Variants in IMPA1 observed in about 807,000 individuals in gnomAD.
IMPA1 encodes the protein D-galactose 1-phosphate phosphatase.
IMPA1 carries 21 observed loss-of-function variants against 34.9 expected under a neutral mutation model. That is an observed-to-expected ratio of 0.60 (90% CI 0.43 to 0.87). The LOEUF (loss-of-function observed/expected upper bound fraction) is 0.87. IMPA1 is among the 40% of genes least tolerant of loss of function. The pLI is 0.00. For missense variants in IMPA1, 299 were observed against 336.4 expected (o/e 0.89, Z 0.87); for synonymous variants, 95 against 104.4 (o/e 0.91, Z 0.55).
At chr8:81,682,236 A>G (rs562647416) in intron 1 of IMPA1, among the ~76,000 whole-genome samples, 38 of 152,310 alleles carry the variant, frequency 2.5e-4, no homozygotes, top group African/African-American at 8.9e-4. Flanking sequence ...TGTGTTCTAA[A>G]CTGTCCAGTT....
intron 7 of IMPA1, among the ~76,000 whole-genome samples, chr8:81,667,346 G>A (rs1356957836): frequency 6.6e-6 from 1 of 152,166 alleles, no homozygotes; most frequent in Non-Finnish European, 1.5e-5. Flanking sequence ...AAAGGTGTCT[G>A]CTATGGTTGA....
chr8:81,667,973 G>A (rs568953066), intron 7 of IMPA1, among the ~76,000 whole-genome samples: 8 of 151,948 alleles, frequency 5.3e-5, no homozygotes, highest in South Asian at 2.1e-4. Flanking sequence ...ACAAGCGCCC[G>A]CCACCACGCC....
At chr8:81,684,601 AT>A (rs1563592593) in intron 1 of IMPA1, among the ~76,000 whole-genome samples, 390 of 12,130 alleles carry the variant, frequency 0.032, no homozygotes, top group Middle Eastern at 0.071. Flanking sequence ...CTTTAGATAT[AT>A]ATATCTAGTA....
intron 7 of IMPA1, among the ~76,000 whole-genome samples, chr8:81,664,166 C>T (rs7013201): frequency 1.3e-5 from 2 of 152,032 alleles, no homozygotes. Flanking sequence ...CTTTTAATTT[C>T]TTCATTTATT....
intron 4 of IMPA1, 35 bp downstream of exon 4, chr8:81,679,091 C>A: frequency 7.4e-7 from 1 of 1,360,470 alleles, no homozygotes; most frequent in South Asian, 1.2e-5. Context: ...AGTTAATATG[C>A]AAAGAGTAAT....
intron 1 of IMPA1, among the ~76,000 whole-genome samples, chr8:81,683,513 T>C (rs574673020): frequency 1.2e-4 from 19 of 152,266 alleles, no homozygotes; most frequent in African/African-American, 4.1e-4. Context: ...CCTCTGAATC[T>C]GGATGTCCAG....
At chr8:81,663,069 A>C (rs1328973390) in intron 7 of IMPA1, among the ~76,000 whole-genome samples, 1 of 152,252 alleles carries the variant, frequency 6.6e-6, no homozygotes, top group Non-Finnish European at 1.5e-5. Context: ...TCATAAAAGC[A>C]ATCAGTAAGT....
rs1183325290 is a variant in IMPA1 at position 81,685,769 on chromosome 8, T to C, written c.-25+483A>G. ...GGGTCCGTAGTTTACTCACTTTCAT[T>C]TTCCCAAAGCCATAAACACCTGAAC... On this transcript the variant is annotated intron_variant, in intron 1 of 8. Transcript: ENST00000256108. 7 of 1,517,664 alleles carry C rather than the reference T, an allele frequency of 4.6e-6. No homozygotes were observed. The African/African-American group carries it at 5.7e-5, about 12-fold the overall frequency. The allele number at this position is 1,517,664 out of a possible 1,614,324, so 94.0% of individuals were successfully genotyped here.
At chr8:81,670,896 C>T in intron 7 of IMPA1, 43 bp downstream of exon 7, 1 of 984,276 alleles carries the variant, frequency 1.0e-6, no homozygotes, top group Non-Finnish European at 1.5e-6. Context: ...TGCACACACA[C>T]ACGTATACAA....
chr8:81,673,832 T>C lies in IMPA1; in HGVS notation c.457+9A>G. The C allele has an allele frequency of 6.6e-7, 1 of 1,504,032 alleles. No individual in the cohort carries two copies. Among genetic ancestry groups the C allele is most frequent in the Non-Finnish European group, 9.3e-7 (1 of 1,080,656 alleles). The allele number at this position is 1,504,032 out of a possible 1,614,324, so 93.2% of individuals were successfully genotyped here. On this transcript the variant is annotated intron_variant, in intron 6 of 8. Transcript: ENST00000256108. ...TATGAATAGCATCAAAAATTGGAAT[T>C]AATCCTACCTTCTTGTTGTGAAACT... is the stretch of plus-strand genomic sequence containing the variant.
chr8:81,660,101 A>G (rs1806622579), intron 8 of IMPA1, among the ~76,000 whole-genome samples: 1 of 152,186 alleles, frequency 6.6e-6, no homozygotes, highest in Non-Finnish European at 1.5e-5. Context: ...ATACACTAGC[A>G]CTAATGACGG....
At chr8:81,659,559 A>T in intron 8 of IMPA1, 93 bp from the exon 9 acceptor site, 1 of 691,690 alleles carries the variant, frequency 1.4e-6, no homozygotes, top group Non-Finnish European at 2.5e-6. Context: ...GTCACATAAC[A>T]TTTTAATACT....
At chr8:81,672,291 A>G (rs1393831727) in intron 6 of IMPA1, among the ~76,000 whole-genome samples, 1 of 152,218 alleles carries the variant, frequency 6.6e-6, no homozygotes, top group African/African-American at 2.4e-5. Context: ...AAGCTGTGAG[A>G]AAGAAAAAGA....
chr8:81,682,926 T>C (rs1458597791), intron 1 of IMPA1, among the ~76,000 whole-genome samples: 1 of 152,140 alleles, frequency 6.6e-6, no homozygotes, highest in Non-Finnish European at 1.5e-5. Context: ...TCACACTTTC[T>C]AGGAGGGGAC....
intron 7 of IMPA1, among the ~76,000 whole-genome samples, chr8:81,670,304 T>C (rs1806949544): frequency 6.6e-6 from 1 of 152,028 alleles, no homozygotes; most frequent in Non-Finnish European, 1.5e-5. Context: ...ATGAAATTCA[T>C]AGCCTAAATA....
intron 6 of IMPA1, among the ~76,000 whole-genome samples, chr8:81,671,618 C>A (rs1260953210): frequency 6.6e-6 from 1 of 152,148 alleles, no homozygotes; most frequent in South Asian, 2.1e-4. Context: ...TAATTTAGGG[C>A]TGGGCATGGT....
At chr8:81,683,919 C>T (rs907085686) in intron 1 of IMPA1, among the ~76,000 whole-genome samples, 1 of 152,058 alleles carries the variant, frequency 6.6e-6, no homozygotes, top group Non-Finnish European at 1.5e-5. Context: ...GCCTCTCTGT[C>T]CAGCATTCCT....
At chr8:81,666,998 A>T (rs1246312169) in intron 7 of IMPA1, among the ~76,000 whole-genome samples, 2 of 152,116 alleles carry the variant, frequency 1.3e-5, no homozygotes, top group Non-Finnish European at 2.9e-5. Flanking sequence ...GTATGTAACT[A>T]TTATGAATAA....
At chr8:81,660,098 A>C (rs1472673899) in intron 8 of IMPA1, among the ~76,000 whole-genome samples, 1 of 152,214 alleles carries the variant, frequency 6.6e-6, no homozygotes, top group African/African-American at 2.4e-5. Context: ...AAAATACACT[A>C]GCACTAATGA....
Sources: gnomAD v4.1 joint callset for allele counts (sites outside exome capture counted in the v4.1 genomes callset) on GRCh38, gnomAD v4.1.1 for gene constraint, MANE v1.5 for transcripts, NCBI Gene and HGNC (gene_info 2026-07-23, HGNC 2026-07-21) for gene names.